The following CDKAL1 variants were observed in gnomAD, a reference collection of about 807,000 sequenced individuals.
CDKAL1 encodes threonylcarbamoyladenosine tRNA methylthiotransferase.
In CDKAL1, 32 loss-of-function variants were observed where a neutral mutation model predicts 68.2. The ratio of observed to expected loss-of-function variants is 0.47; its 90% CI spans 0.35 to 0.63. The LOEUF (loss-of-function observed/expected upper bound fraction) is 0.63, where lower values mean the gene tolerates loss of function less well. Among genes scored for constraint, CDKAL1 ranks in the 30% least tolerant of loss-of-function variants. The pLI, the probability that CDKAL1 is intolerant of heterozygous loss-of-function variation, is 0.00. For synonymous variants in CDKAL1, 234 were observed against 244.3 expected, an observed-to-expected ratio of 0.96 and a Z score of 0.39; for missense variants, 606 against 696.7, an observed-to-expected ratio of 0.87 and a Z score of 1.47.
intron 2 of CDKAL1, among the ~76,000 whole-genome samples, chr6:20,545,488 G>A (rs1230070385): frequency 1.3e-5 from 2 of 152,006 alleles, no homozygotes; most frequent in Non-Finnish European, 2.9e-5. Flanking sequence ...CCAGGCTGGA[G>A]TGCAGTGGTG....
chr6:20,951,479 C>T (rs188660449), intron 9 of CDKAL1, among the ~76,000 whole-genome samples: 93 of 152,190 alleles, frequency 6.1e-4, no homozygotes, highest in South Asian at 2.1e-4. Flanking sequence ...ATTGCTATGG[C>T]GCAGAGATGG....
At position 21,126,751 on chromosome 6, in the gene CDKAL1, T is replaced by C. The variant is rs1039141490; in HGVS notation, c.1299+18288T>C. ...AGGATATTAAGTAGCTTATTAGATA[T>C]TTTATTTAGGACTATGTTATGAATA... is the stretch of plus-strand genomic sequence containing the variant. On this transcript the variant is annotated intron_variant, in intron 13 of 15. Transcript: ENST00000274695. Among the ~76,000 whole-genome samples the C allele has an allele frequency of 3.9e-5, 6 of 152,234 alleles. No homozygotes were observed. In the South Asian group the frequency reaches 6.2e-4, roughly 16 times the overall value.
intron 10 of CDKAL1, among the ~76,000 whole-genome samples, chr6:20,959,609 T>C (rs959590944): frequency 6.6e-6 from 1 of 152,066 alleles, no homozygotes; most frequent in Admixed American, 6.6e-5. Context: ...TCTCATGATA[T>C]ACTTACCATA....
At chr6:20,769,370 T>G (rs7750031) in intron 7 of CDKAL1, among the ~76,000 whole-genome samples, 67,509 of 151,120 alleles carry the variant, frequency 0.45, 15,335 homozygotes, top group South Asian at 0.5. Context: ...GCGATTCTTG[T>G]GCCTCAGCCT....
chr6:21,060,627 A>AAC, intron 11 of CDKAL1, among the ~76,000 whole-genome samples: 1 of 152,162 alleles, frequency 6.6e-6, no homozygotes, highest in East Asian at 1.9e-4. Context: ...TTTTATATCT[A>AAC]ACACAGAAAT....
chr6:21,012,322 T>C (rs1048271986), intron 11 of CDKAL1, among the ~76,000 whole-genome samples: 10 of 152,126 alleles, frequency 6.6e-5, no homozygotes, highest in African/African-American at 2.4e-4. Context: ...TGGGGAGCAA[T>C]TAGCAGTCTT....
At chr6:21,146,850 C>CAAAAAAAAA (rs1194653980) in intron 13 of CDKAL1, among the ~76,000 whole-genome samples, 1 of 78,260 alleles carries the variant, frequency 1.3e-5, no homozygotes, top group Admixed American at 1.5e-4. Flanking sequence ...GACTCCGTCT[C>CAAAAAAAAA]AAAAAAAAAA....
At chr6:20,746,209 C>G (rs1375901052) in intron 6 of CDKAL1, among the ~76,000 whole-genome samples, 2 of 152,166 alleles carry the variant, frequency 1.3e-5, no homozygotes, top group African/African-American at 4.8e-5. Context: ...TTATTTTTAT[C>G]TCTAACTCAG....
chr6:20,624,136 A>C (rs1163891478), intron 4 of CDKAL1, among the ~76,000 whole-genome samples: 1 of 152,040 alleles, frequency 6.6e-6, no homozygotes, highest in Non-Finnish European at 1.5e-5. Context: ...ATTTAATTCA[A>C]GCAGTTTGTT....
rs138404090 is a variant in CDKAL1, at chr6:20,544,717, T to A, written c.-5-1629T>A. Among the ~76,000 whole-genome samples, 290 of 152,264 alleles carry A rather than the reference T, an allele frequency of 1.9e-3. 2 individuals carry two copies. Among genetic ancestry groups the A allele is most frequent in the African/African-American group, 6.8e-3 (282 of 41,560 alleles). Reference sequence around the variant, plus strand: ...CCATATAAAATTTAGGATAGTCTTATCTATACCTACAAAAAAATCTTCCTG... The same window carrying A: ...CCATATAAAATTTAGGATAGTCTTAACTATACCTACAAAAAAATCTTCCTG... On this transcript the variant is annotated intron_variant, in intron 2 of 15. Transcript: ENST00000274695.
At chr6:20,579,042 A>G (rs1253360000) in intron 4 of CDKAL1, among the ~76,000 whole-genome samples, 1 of 152,176 alleles carries the variant, frequency 6.6e-6, no homozygotes, top group African/African-American at 2.4e-5. Context: ...CAGCAGCGCA[A>G]TCTCGGCTCA....
intron 5 of CDKAL1, among the ~76,000 whole-genome samples, chr6:20,656,252 T>C (rs527946227): frequency 6.6e-6 from 1 of 152,318 alleles, no homozygotes; most frequent in South Asian, 2.1e-4. Context: ...AGGTCAACAC[T>C]AGAAACACAA....
chr6:20,911,595 T>G (rs1015336089), intron 9 of CDKAL1, among the ~76,000 whole-genome samples: 10 of 152,222 alleles, frequency 6.6e-5, no homozygotes, highest in African/African-American at 2.4e-4. Flanking sequence ...CATTCTTATT[T>G]ATGCTCTTTT....
intron 11 of CDKAL1, among the ~76,000 whole-genome samples, chr6:21,060,735 T>C (rs1293686495): frequency 6.6e-6 from 1 of 152,152 alleles, no homozygotes; most frequent in Non-Finnish European, 1.5e-5. Context: ...GATATTTTTC[T>C]CCCCTACCTA....
intron 11 of CDKAL1, among the ~76,000 whole-genome samples, chr6:21,029,995 T>C (rs1181432531): frequency 1.3e-5 from 2 of 152,144 alleles, no homozygotes; most frequent in African/African-American, 4.8e-5. Context: ...CAAAGGAATA[T>C]AAATCATTCT....
At chr6:20,816,537 A>G (rs1051351530) in intron 8 of CDKAL1, among the ~76,000 whole-genome samples, 11 of 152,176 alleles carry the variant, frequency 7.2e-5, no homozygotes, top group Non-Finnish European at 1.5e-4. Flanking sequence ...CTTAGAGCTT[A>G]TATCCTGGTT....
chr6:21,014,209 T>G (rs1263688926), intron 11 of CDKAL1, among the ~76,000 whole-genome samples: 1 of 152,216 alleles, frequency 6.6e-6, no homozygotes, highest in Admixed American at 6.5e-5. Flanking sequence ...ACACATTTCT[T>G]CTGGACATCC....
At chr6:20,744,293 T>TA (rs1432494805) in intron 6 of CDKAL1, among the ~76,000 whole-genome samples, 1 of 152,094 alleles carries the variant, frequency 6.6e-6, no homozygotes, top group Admixed American at 6.6e-5. Flanking sequence ...ACATTTGCAG[T>TA]AAAAAAAGAG....
At chr6:20,727,270 A>G (rs1048976384) in intron 5 of CDKAL1, among the ~76,000 whole-genome samples, 2 of 152,020 alleles carry the variant, frequency 1.3e-5, no homozygotes, top group Admixed American at 1.3e-4. Flanking sequence ...CTCTTCCACT[A>G]CCCTCTTAGG....
Sources: allele counts gnomAD v4.1 joint callset (sites outside exome capture counted in the v4.1 genomes callset), GRCh38; gene constraint gnomAD v4.1.1; transcripts MANE v1.5; gene names NCBI Gene and HGNC (gene_info 2026-07-23, HGNC 2026-07-21).